WRAP53: variants seen among roughly 807,000 people sequenced by gnomAD.
The protein encoded by WRAP53 is telomerase Cajal body protein 1.
Under a neutral mutation model 56.6 loss-of-function variants are expected in WRAP53, and 28 were observed. The observed-to-expected ratio is 0.50, with a 90% CI of 0.37 to 0.68. WRAP53 has a LOEUF of 0.68. Among genes scored for constraint, WRAP53 ranks in the 30% least tolerant of loss-of-function variants. The pLI is 0.00. For missense variants in WRAP53, 671 were observed against 715.5 expected, an observed-to-expected ratio of 0.94 and a Z score of 0.71; for synonymous variants, 283 against 283.4, an observed-to-expected ratio of 1.00 and a Z score of 0.01.
chr17:7,697,039 G>T (rs564655517), intron 4 of WRAP53, among the ~76,000 whole-genome samples: 1 of 152,134 alleles, frequency 6.6e-6, no homozygotes, highest in Non-Finnish European at 1.5e-5. Flanking sequence ...AGAAAAAGAC[G>T]GCTGGGCATG....
At position 7,703,376 on chromosome 17, in the gene WRAP53, C is replaced by T. The variant is rs144549494; in HGVS notation, c.1537C>T (p.Arg513Trp). The change falls in exon 11 of 11, where the codon CGG becomes TGG. Residue 513 changes from arginine (R) to tryptophan (W), a missense_variant. This residue lies in a region of WRAP53 where 107 missense variants were observed against 81.3 expected (regional missense o/e 1.32). Transcript: ENST00000396463. ...CACGCGCCACGTCCACCTTGAATGT[C>T]GGCTTCAGCTCTGGTGGTGTGGGGG... ...LSTRHVHLEC[R>W]LQLWWCGGAP... The T allele has an allele frequency of 6.2e-6, 10 of 1,613,924 alleles. No individual in the cohort carries two copies. Among genetic ancestry groups the T allele is most frequent in the South Asian group, 2.2e-5 (2 of 91,064 alleles).
chr17:7,699,496 AT>A lies in WRAP53; in HGVS notation c.643-1244del, dbSNP rs2074239681. ...TATATTTATATATATATATATATAT[AT>A]ATATTTATATATATATATATATATT... is the stretch of plus-strand genomic sequence containing the variant. On this transcript the variant is annotated intron_variant, in intron 4 of 10. Coordinates refer to ENST00000396463, the MANE Select transcript of WRAP53 (RefSeq NM_001143992.2). Among the ~76,000 whole-genome samples the A allele has an allele frequency of 2.5e-4, 3 of 12,202 alleles. 1 individual carries two copies. Among genetic ancestry groups the A allele is most frequent in the African/African-American group, 4.2e-4 (1 of 2,382 alleles). The allele number at this position is 12,202 out of a possible 152,430, so 8.0% of individuals were successfully genotyped here.
intron 4 of WRAP53, among the ~76,000 whole-genome samples, chr17:7,699,475 TTTATATATATATATATATATA>T (rs2074234876): frequency 1.1e-4 from 1 of 9,058 alleles, no homozygotes; most frequent in Non-Finnish European, 1.7e-4. Flanking sequence ...TATATATATA[TTTATATATATATATATATATA>T]TATATTTATA....
In WRAP53 at chr17:7,702,302, G is replaced by T; in HGVS notation, c.956-42G>T. On this transcript the variant is annotated intron_variant, in intron 7 of 10. Coordinates refer to ENST00000396463, the MANE Select transcript of WRAP53 (RefSeq NM_001143992.2). This position sits in a 1 kb window ranked among gnomAD's most constrained non-coding sequence, Gnocchi z 5.0. ...CTCTGCTTAGCCTGGTTAGTGCCAGGAGCCATTGCCCCCTCCCCCACTTTG... is the reference window on the plus strand; with the variant it reads ...CTCTGCTTAGCCTGGTTAGTGCCAGTAGCCATTGCCCCCTCCCCCACTTTG... 3 of 1,608,604 alleles carry T rather than the reference G, an allele frequency of 1.9e-6. No individual in the cohort carries two copies. Among genetic ancestry groups the T allele is most frequent in the Non-Finnish European group, 2.6e-6 (3 of 1,175,074 alleles).
chr17:7,702,757 G>A lies in WRAP53; in HGVS notation c.1179G>A (p.Leu393=), dbSNP rs757887987. ...FSGARKDAEL[L]CWDLRQSGYP... ...CTTGTCTCCAGGATGCTGAGCTCCT[G>A]TGCTGGGATCTCCGGCAGTCTGGTT... is the stretch of plus-strand genomic sequence containing the variant. The change falls in exon 9 of 11, where the codon CTG becomes CTA. Residue 393 remains leucine, a synonymous_variant. Transcript: ENST00000396463. This position sits in a 1 kb window ranked among gnomAD's most constrained non-coding sequence, Gnocchi z 5.0. The A allele has an allele frequency of 1.9e-6, 3 of 1,613,640 alleles. No homozygotes were observed. The African/African-American group carries it at 4.0e-5, about 22-fold the overall frequency.
chr17:7,693,098 G>A (rs1446480342), intron 4 of WRAP53, among the ~76,000 whole-genome samples: 1 of 151,882 alleles, frequency 6.6e-6, no homozygotes, highest in African/African-American at 2.4e-5. Context: ...ATGAGTCACT[G>A]TCTCCACCTC....
chr17:7,698,887 T>G lies in WRAP53; in HGVS notation c.643-1854T>G, dbSNP rs748405253. 9.6e-4 allele frequency among the ~76,000 whole-genome samples: 144 copies of G among 150,288 alleles called. 3 individuals carry two copies. The highest frequency in any genetic ancestry group is 7.2e-3 in the Admixed American group (108 of 15,034). On this transcript the variant is annotated intron_variant, in intron 4 of 10. Coordinates refer to ENST00000396463, the MANE Select transcript of WRAP53 (RefSeq NM_001143992.2). Reference sequence around the variant, plus strand: ...CGAGACTCCGTCAAAAATAAATAAATAAATAAATAAATAAATAAATAAGCC... The same window carrying G: ...CGAGACTCCGTCAAAAATAAATAAAGAAATAAATAAATAAATAAATAAGCC...
At chr17:7,699,522 T>TTTATATATATATATATATATATAAA (rs1429418083) in intron 4 of WRAP53, among the ~76,000 whole-genome samples, 1 of 14,110 alleles carries the variant, frequency 7.1e-5, no homozygotes, top group African/African-American at 3.5e-4. Flanking sequence ...ATATATATAT[T>TTTATATATATATATATATATATAAA]TATATATATA....
In WRAP53 at chr17:7,702,838, T is replaced by A; in HGVS notation, c.1260T>A (p.Asp420Glu). 6.2e-7 allele frequency: 1 copy of A among 1,613,854 alleles called. No homozygotes were observed. The highest frequency in any genetic ancestry group is 8.5e-7 in the Non-Finnish European group (1 of 1,179,980). The change falls in exon 9 of 11, where the codon GAT becomes GAA. Residue 420 changes from aspartate (D) to glutamate (E), a missense_variant. Transcript: ENST00000396463. This position sits in a 1 kb window ranked among gnomAD's most constrained non-coding sequence, Gnocchi z 5.0. ...CCACCAATCAGCGCATCTACTTCGA[T>A]CTGGACCCGTGAGTGGCTGTGACTC... is the stretch of plus-strand genomic sequence containing the variant. ...EVTTNQRIYF[D>E]LDPTGQFLVS...
At chr17:7,688,408 C>A, upstream of WRAP53, 1 of 563,944 alleles carries the variant, frequency 1.8e-6, no homozygotes, top group Admixed American at 3.3e-5. Context: ...TGCGGCGGCC[C>A]AATCGGAAGG....
At chr17:7,688,439 G>A, upstream of WRAP53, 1 of 591,226 alleles carries the variant, frequency 1.7e-6, no homozygotes, top group Non-Finnish European at 2.9e-6. Flanking sequence ...TCCCGCGACA[G>A]CAAGAGGCCC....
Position 7,701,572 on chromosome 17 carries a change from C to A in WRAP53, c.822+23C>A, listed in dbSNP as rs766808723. 6.2e-7 allele frequency: 1 copy of A among 1,614,266 alleles called. No individual in the cohort carries two copies. ...CTGGTAGGGACCGCCATACTCAGCC[C>A]CAGCACTCGTACTGGCCCGGCTCTC... On this transcript the variant is annotated intron_variant, in intron 6 of 10. Transcript: ENST00000396463. The surrounding 1 kb of genome is among the most constrained non-coding windows in gnomAD (Gnocchi z 4.2).
chr17:7,690,358 A>T (rs1353936299), intron 4 of WRAP53, among the ~76,000 whole-genome samples: 1 of 152,236 alleles, frequency 6.6e-6, no homozygotes, highest in Non-Finnish European at 1.5e-5. Context: ...GAGACAGACA[A>T]CAAACATGTA....
At chr17:7,696,728 G>A (rs1379934396) in intron 4 of WRAP53, among the ~76,000 whole-genome samples, 2 of 152,188 alleles carry the variant, frequency 1.3e-5, no homozygotes, top group Non-Finnish European at 2.9e-5. Flanking sequence ...GACCAGGAGT[G>A]GAAAGGAAGT....
chr17:7,691,213 C>CAAACAAAT (rs781286877), intron 4 of WRAP53, among the ~76,000 whole-genome samples: 1 of 88,298 alleles, frequency 1.1e-5, no homozygotes, highest in Admixed American at 1.1e-4. Flanking sequence ...CATCCCAAAA[C>CAAACAAAT]AAACAAACAA....
At chr17:7,686,306 T>A (rs996913378), upstream of WRAP53, 7 of 152,198 alleles carry the variant, frequency 4.6e-5, no homozygotes, top group Non-Finnish European at 8.8e-5. Flanking sequence ...ACCCATTCTT[T>A]TTTTTTTTCC....
chr17:7,689,602 T>A lies in WRAP53; in HGVS notation c.543T>A (p.Gly181=), dbSNP rs747404789. The change falls in exon 4 of 11, where the codon GGT becomes GGA. Residue 181 remains glycine, a synonymous_variant. Transcript: ENST00000396463. ...FLKGCKWAPD[G]SCILTNSADN... ...CCCCTGTTTCTAGGGCTCCTGACGG[T>A]TCCTGCATCTTGACCAATAGTGCTG... The A allele has an allele frequency of 5.0e-6, 8 of 1,613,958 alleles. No homozygotes were observed. The highest frequency in any genetic ancestry group is 5.9e-6 in the Non-Finnish European group (7 of 1,180,010).
At chr17:7,691,931 G>C (rs2074115957) in intron 4 of WRAP53, among the ~76,000 whole-genome samples, 1 of 151,846 alleles carries the variant, frequency 6.6e-6, no homozygotes, top group African/African-American at 2.4e-5. Flanking sequence ...CCGCCTCCCA[G>C]GTTTAAGTGA....
intron 4 of WRAP53, among the ~76,000 whole-genome samples, chr17:7,693,184 C>CTTTT (rs60578072): frequency 6.8e-6 from 1 of 147,430 alleles, no homozygotes; most frequent in Non-Finnish European, 1.5e-5. Context: ...TCTTTTTTTT[C>CTTTT]TTTTTTTTGA....
Sources: gnomAD v4.1 joint callset for allele counts (sites outside exome capture counted in the v4.1 genomes callset) on GRCh38, gnomAD v4.1.1 for gene constraint, gnomAD v4.1.1 regional missense constraint, Gnocchi (gnomAD v3.1) non-coding constraint, MANE v1.5 for transcripts, NCBI Gene and HGNC (gene_info 2026-07-23, HGNC 2026-07-21) for gene names.